Variants in ZRANB3 observed in about 807,000 individuals in gnomAD.
ZRANB3 encodes the protein zinc finger RANBP2-type containing 3.
ZRANB3 carries 125 observed loss-of-function variants against 133.8 expected under a neutral mutation model. That is an observed-to-expected ratio of 0.93 (90% CI 0.81 to 1.08). ZRANB3 has a LOEUF of 1.08. Ranked by LOEUF, ZRANB3 falls within the 50% of genes least tolerant of loss-of-function variation. The probability of loss-of-function intolerance (pLI) is 0.00; values close to 1 mark genes in which losing one functional copy is unlikely to be tolerated. For missense variants in ZRANB3, 1,229 were observed against 1,275.5 expected, an observed-to-expected ratio of 0.96 and a Z score of 0.56; for synonymous variants, 387 against 432.7, an observed-to-expected ratio of 0.89 and a Z score of 1.31.
intron 2 of ZRANB3, among the ~76,000 whole-genome samples, chr2:135,398,882 T>C (rs1687617015): frequency 6.6e-6 from 1 of 152,150 alleles, no homozygotes; most frequent in South Asian, 2.1e-4. Context: ...TGGGTTTTCA[T>C]ATACCTATCC....
chr2:135,398,521 CTT>C (rs374119156), intron 2 of ZRANB3, among the ~76,000 whole-genome samples: 8 of 123,852 alleles, frequency 6.5e-5, no homozygotes, highest in Admixed American at 1.7e-4. Context: ...TCTTTTGTCA[CTT>C]TTTTTTTTTT....
chr2:135,242,340 T>C (rs1695588505), intron 12 of ZRANB3, among the ~76,000 whole-genome samples: 1 of 152,134 alleles, frequency 6.6e-6, no homozygotes, highest in Non-Finnish European at 1.5e-5. Flanking sequence ...AATTAATGGC[T>C]GAATGAGTAA....
At chr2:135,319,499 C>CT (rs1683417132) in intron 6 of ZRANB3, among the ~76,000 whole-genome samples, 1 of 152,126 alleles carries the variant, frequency 6.6e-6, no homozygotes, top group East Asian at 1.9e-4. Flanking sequence ...CTGTCATACT[C>CT]TGTGTGTGTA....
intron 12 of ZRANB3, among the ~76,000 whole-genome samples, chr2:135,259,903 A>G (rs1679868824): frequency 6.6e-6 from 1 of 152,168 alleles, no homozygotes. Context: ...TCAAATGGCT[A>G]GATAAATAAT....
chr2:135,303,103 T>C lies in ZRANB3; in HGVS notation c.966+10386A>G, dbSNP rs547780901. Reference sequence around the variant, plus strand: ...TATGATCAAACTGAAAATTAAGACATGGGAAAATGGAACAAGGAGAGTATA... The same window carrying C: ...TATGATCAAACTGAAAATTAAGACACGGGAAAATGGAACAAGGAGAGTATA... On this transcript the variant is annotated intron_variant, in intron 8 of 20. Coordinates refer to ENST00000264159, the MANE Select transcript of ZRANB3 (RefSeq NM_032143.4). 5.5e-4 allele frequency among the ~76,000 whole-genome samples: 84 copies of C among 152,286 alleles called. 1 individual carries two copies. The highest frequency in any genetic ancestry group is 1.7e-3 in the African/African-American group (72 of 41,582).
chr2:135,230,497 C>T lies in ZRANB3; in HGVS notation c.1954+16G>A. ...CTAACAGCCCTTACCTCCATGGTCA[C>T]CTTCTATATACTCACCAGCACTGCC... is the stretch of plus-strand genomic sequence containing the variant. On this transcript the variant is annotated intron_variant, in intron 13 of 20. Coordinates refer to ENST00000264159, the MANE Select transcript of ZRANB3 (RefSeq NM_032143.4). The T allele has an allele frequency of 1.4e-6, 2 of 1,481,078 alleles. No individual in the cohort carries two copies. The highest frequency in any genetic ancestry group is 3.1e-5 in the South Asian group (2 of 64,776). 91.7% of individuals were successfully genotyped at this position (1,481,078 alleles called of 1,614,324 possible). A position where few individuals can be genotyped will look rare whatever the true frequency, so the allele number is the denominator to read the frequency against.
At chr2:135,247,329 T>C (rs1695842312) in intron 12 of ZRANB3, among the ~76,000 whole-genome samples, 1 of 152,070 alleles carries the variant, frequency 6.6e-6, no homozygotes. Context: ...AAAAAATAGA[T>C]TTAAATTATT....
chr2:135,244,107 C>CAAAAA (rs566334496), intron 12 of ZRANB3, among the ~76,000 whole-genome samples: 1 of 121,492 alleles, frequency 8.2e-6, no homozygotes. Context: ...ATTTCCCCAC[C>CAAAAA]AAAAAAAAAA....
intron 8 of ZRANB3, among the ~76,000 whole-genome samples, chr2:135,304,852 C>T (rs1466753378): frequency 6.6e-6 from 1 of 152,056 alleles, no homozygotes; most frequent in African/African-American, 2.4e-5. Flanking sequence ...TTTTTAATGC[C>T]TATAGGGTCT....
intron 12 of ZRANB3, among the ~76,000 whole-genome samples, chr2:135,247,703 A>G (rs1007764811): frequency 2.6e-5 from 4 of 152,132 alleles, no homozygotes; most frequent in African/African-American, 9.7e-5. Context: ...ACTCACTTCC[A>G]TGGCACCTCT....
intron 17 of ZRANB3, among the ~76,000 whole-genome samples, chr2:135,217,212 C>T (rs1334684509): frequency 1.3e-5 from 2 of 152,146 alleles, no homozygotes; most frequent in African/African-American, 4.8e-5. Flanking sequence ...TCCTGTGACT[C>T]TGGTCTTTTT....
intron 2 of ZRANB3, among the ~76,000 whole-genome samples, chr2:135,406,635 G>T (rs929306476): frequency 1.4e-4 from 21 of 152,182 alleles, no homozygotes; most frequent in Non-Finnish European, 5.9e-5. Context: ...GATCAAGTGG[G>T]CTTCATCCCT....
At chr2:135,375,638 T>C (rs1458096889) in intron 3 of ZRANB3, among the ~76,000 whole-genome samples, 3 of 151,936 alleles carry the variant, frequency 2.0e-5, no homozygotes, top group South Asian at 2.1e-4. Flanking sequence ...TGAGCCGAGA[T>C]TGTGCCACTG....
chr2:135,349,970 A>C lies in ZRANB3; in HGVS notation c.591+14T>G. The C allele has an allele frequency of 6.2e-7, 1 of 1,610,710 alleles. No homozygotes were observed. Among genetic ancestry groups the C allele is most frequent in the Non-Finnish European group, 8.5e-7 (1 of 1,178,052 alleles). On this transcript the variant is annotated intron_variant, in intron 5 of 20. Transcript: ENST00000264159. ...TTCTCTTCTTTTAAGTTCGAAGTAT[A>C]AGGATTGTAATACCTCTTCAGGCCT...
intron 3 of ZRANB3, among the ~76,000 whole-genome samples, chr2:135,383,437 C>A (rs376971537): frequency 7.2e-5 from 11 of 152,068 alleles, no homozygotes; most frequent in Admixed American, 1.3e-4. Context: ...GACAGATCAA[C>A]GAGACAGAAA....
At chr2:135,390,518 G>A (rs961851865) in intron 3 of ZRANB3, among the ~76,000 whole-genome samples, 2 of 151,952 alleles carry the variant, frequency 1.3e-5, no homozygotes, top group Non-Finnish European at 2.9e-5. Context: ...TTTTTGGGGG[G>A]CTGCATTTCA....
intron 2 of ZRANB3, among the ~76,000 whole-genome samples, chr2:135,409,589 G>A (rs1351882940): frequency 3.3e-5 from 5 of 152,112 alleles, no homozygotes; most frequent in Non-Finnish European, 7.4e-5. Flanking sequence ...AGACTAAGAT[G>A]TCTACTTTCA....
chr2:135,324,530 C>T (rs1348213970), intron 6 of ZRANB3, among the ~76,000 whole-genome samples: 8 of 152,026 alleles, frequency 5.3e-5, no homozygotes, highest in South Asian at 2.1e-4. Flanking sequence ...TGAATAGTGC[C>T]GCAATAAACA....
intron 2 of ZRANB3, among the ~76,000 whole-genome samples, chr2:135,467,364 A>T (rs1367771535): frequency 1.3e-5 from 2 of 152,226 alleles, no homozygotes; most frequent in Non-Finnish European, 2.9e-5. Context: ...TGTTTCAGGT[A>T]TATCCGGGAT....
Sources: allele counts gnomAD v4.1 joint callset (sites outside exome capture counted in the v4.1 genomes callset), GRCh38; gene constraint gnomAD v4.1.1; transcripts MANE v1.5; gene names NCBI Gene and HGNC (gene_info 2026-07-23, HGNC 2026-07-21).